Variants in AGBL4 observed in about 807,000 individuals in gnomAD.
The protein encoded by AGBL4 is AGBL carboxypeptidase 4.
AGBL4 carries 58 observed loss-of-function variants against 66.4 expected under a neutral mutation model. The observed-to-expected ratio is 0.87, with a 90% CI of 0.71 to 1.09. The LOEUF (loss-of-function observed/expected upper bound fraction) is 1.09, where lower values mean the gene tolerates loss of function less well. Among genes scored for constraint, AGBL4 ranks in the 50% least tolerant of loss-of-function variants. The pLI is 0.00. For missense variants in AGBL4, 579 were observed against 631.0 expected (o/e 0.92, Z 0.88); for synonymous variants, 234 against 222.9 (o/e 1.05, Z -0.44).
At position 48,798,267 on chromosome 1, in the gene AGBL4, TA is replaced by T. The variant is rs777501074; in HGVS notation, c.634+68923del. Among the ~76,000 whole-genome samples, 3 of 152,338 alleles carry T rather than the reference TA, an allele frequency of 2.0e-5. No homozygotes were observed. The East Asian group carries it at 5.8e-4, about 29-fold the overall frequency. ...TTTTTTCATGTTTGTTGGCCATTTC[TA>T]TATCTTCTTTTGAGAATTGTCTATT... is the stretch of plus-strand genomic sequence containing the variant. On this transcript the variant is annotated intron_variant, in intron 6 of 13. Coordinates refer to ENST00000371839, the MANE Select transcript of AGBL4 (RefSeq NM_032785.4).
At chr1:49,864,449 T>TTTCCCCTCCAACCA (rs1320309651) in intron 1 of AGBL4, among the ~76,000 whole-genome samples, 8 of 152,132 alleles carry the variant, frequency 5.3e-5, no homozygotes, top group Non-Finnish European at 1.0e-4. Context: ...GGGAAACAGC[T>TTTCCCCTCCAACCA]AGTGAATCCT....
chr1:49,710,711 T>A (rs959489999), intron 2 of AGBL4, among the ~76,000 whole-genome samples: 4 of 151,732 alleles, frequency 2.6e-5, no homozygotes, highest in African/African-American at 9.7e-5. Context: ...AACTATATTT[T>A]AAAAAACTAA....
intron 3 of AGBL4, among the ~76,000 whole-genome samples, chr1:49,675,072 C>G (rs146539264): frequency 1.8e-4 from 27 of 152,166 alleles, no homozygotes; most frequent in African/African-American, 5.3e-4. Context: ...CTTGAAGATT[C>G]TAAGTTTCAG....
intron 6 of AGBL4, among the ~76,000 whole-genome samples, chr1:48,709,022 T>C (rs1410290201): frequency 6.6e-6 from 1 of 152,198 alleles, no homozygotes; most frequent in Non-Finnish European, 1.5e-5. Context: ...TCCTTCTCAC[T>C]GACTGGCCGA....
At chr1:49,556,693 C>G (rs1439764340) in intron 3 of AGBL4, among the ~76,000 whole-genome samples, 2 of 152,022 alleles carry the variant, frequency 1.3e-5, no homozygotes, top group Non-Finnish European at 2.9e-5. Flanking sequence ...CCTGCTAGTC[C>G]AGTGCTAGGT....
chr1:49,155,020 A>G (rs1358313947), intron 4 of AGBL4, among the ~76,000 whole-genome samples: 3 of 152,190 alleles, frequency 2.0e-5, no homozygotes, highest in Non-Finnish European at 4.4e-5. Context: ...ACCATTTACC[A>G]TTCTTTAAAA....
intron 1 of AGBL4, among the ~76,000 whole-genome samples, chr1:49,868,899 A>G (rs1322710233): frequency 1.3e-5 from 2 of 152,220 alleles, no homozygotes; most frequent in Non-Finnish European, 2.9e-5. Context: ...AGTAAATTAA[A>G]CAATTTACAA....
rs188025868 is a variant in AGBL4, at chr1:49,255,316, T to C, written c.283-9452A>G. ...CATCTATAAGGAATGTAAATAAATT[T>C]ACAAGAAAAAACAAACAACCCCATT... On this transcript the variant is annotated intron_variant, in intron 3 of 13. Coordinates refer to ENST00000371839, the MANE Select transcript of AGBL4 (RefSeq NM_032785.4). Among the ~76,000 whole-genome samples the C allele has an allele frequency of 2.6e-5, 4 of 152,062 alleles. No individual in the cohort carries two copies. The East Asian group carries it at 7.7e-4, about 29-fold the overall frequency.
chr1:48,645,981 T>C (rs974963612), intron 8 of AGBL4, among the ~76,000 whole-genome samples: 4 of 152,140 alleles, frequency 2.6e-5, no homozygotes, highest in African/African-American at 9.7e-5. Context: ...TGGGAACACA[T>C]GATCTTCAAA....
intron 1 of AGBL4, among the ~76,000 whole-genome samples, chr1:49,991,880 T>C (rs963738223): frequency 6.6e-6 from 1 of 152,198 alleles, no homozygotes; most frequent in Non-Finnish European, 1.5e-5. Context: ...TTACTAACTA[T>C]GTGAGCTTAA....
At chr1:49,012,495 GAAGA>G (rs1016871443) in intron 5 of AGBL4, among the ~76,000 whole-genome samples, 4 of 152,174 alleles carry the variant, frequency 2.6e-5, no homozygotes, top group African/African-American at 9.7e-5. Context: ...CATAAGATAA[GAAGA>G]GAGAGCTAGG....
intron 1 of AGBL4, among the ~76,000 whole-genome samples, chr1:49,940,846 T>A (rs967670832): frequency 1.1e-4 from 16 of 151,774 alleles, no homozygotes; most frequent in Non-Finnish European, 1.5e-5. Flanking sequence ...AAACTTAAAG[T>A]ATAATAATAA....
chr1:48,668,910 C>T (rs12145808), intron 6 of AGBL4, among the ~76,000 whole-genome samples: 5,205 of 152,240 alleles, frequency 0.034, 125 homozygotes, highest in Non-Finnish European at 0.051. Context: ...CTGGAGGCAG[C>T]GGAGAAGCAC....
At chr1:49,657,468 A>G (rs1646166577) in intron 3 of AGBL4, among the ~76,000 whole-genome samples, 1 of 152,192 alleles carries the variant, frequency 6.6e-6, no homozygotes, top group Non-Finnish European at 1.5e-5. Context: ...ATCCCCATCA[A>G]GCTACCAATG....
intron 3 of AGBL4, among the ~76,000 whole-genome samples, chr1:49,689,552 C>T (rs1312510674): frequency 6.6e-6 from 1 of 152,116 alleles, no homozygotes; most frequent in Non-Finnish European, 1.5e-5. Context: ...TTTGGTTCTT[C>T]TGGGTCTATT....
chr1:49,014,370 G>C (rs1044825922), intron 5 of AGBL4, among the ~76,000 whole-genome samples: 7 of 152,306 alleles, frequency 4.6e-5, no homozygotes, highest in Admixed American at 4.6e-4. Context: ...TAAGTGTACA[G>C]GCTTTGGAGC....
chr1:49,981,551 T>C (rs1486383500), intron 1 of AGBL4, among the ~76,000 whole-genome samples: 2 of 151,898 alleles, frequency 1.3e-5, no homozygotes, highest in Admixed American at 6.6e-5. Context: ...TATATATGTA[T>C]ATAAATATAT....
chr1:49,418,120 C>G (rs1257275445), intron 3 of AGBL4, among the ~76,000 whole-genome samples: 1 of 152,158 alleles, frequency 6.6e-6, no homozygotes, highest in Non-Finnish European at 1.5e-5. Context: ...AGTCTCATAA[C>G]CTTTGGGTAG....
At position 48,736,819 on chromosome 1, in the gene AGBL4, G is replaced by A. The variant is rs1400349792; in HGVS notation, c.635-73578C>T. Among the ~76,000 whole-genome samples, 1 of 152,154 alleles carries A rather than the reference G, an allele frequency of 6.6e-6. No homozygotes were observed. On this transcript the variant is annotated intron_variant, in intron 6 of 13. Transcript: ENST00000371839. This position sits in a 1 kb window ranked among gnomAD's most constrained non-coding sequence, Gnocchi z 4.0. ...CTACACTATACTTAGTTTATCACAA[G>A]GCTGCTCAGAGCCTTACCAAATCTC...
Sources: allele counts gnomAD v4.1 joint callset (sites outside exome capture counted in the v4.1 genomes callset), GRCh38; gene constraint gnomAD v4.1.1; non-coding constraint Gnocchi (gnomAD v3.1); transcripts MANE v1.5; gene names NCBI Gene and HGNC (gene_info 2026-07-23, HGNC 2026-07-21).